Variants in GTF2E1 observed in about 807,000 individuals in gnomAD.
The protein encoded by GTF2E1 is TFIIE alpha subunit.
GTF2E1 carries 14 observed loss-of-function variants against 34.9 expected under a neutral mutation model. The ratio of observed to expected loss-of-function variants is 0.40; its 90% CI spans 0.27 to 0.63. The LOEUF is 0.63. Among genes scored for constraint, GTF2E1 ranks in the 20% least tolerant of loss-of-function variants. The pLI, the probability that GTF2E1 is intolerant of heterozygous loss-of-function variation, is 0.39. For missense variants in GTF2E1, 469 were observed against 557.7 expected (o/e 0.84, Z 1.60); for synonymous variants, 188 against 192.9 (o/e 0.97, Z 0.21).
intron 2 of GTF2E1, among the ~76,000 whole-genome samples, chr3:120,759,205 G>T (rs111579154): frequency 6.6e-6 from 1 of 152,020 alleles, no homozygotes; most frequent in Non-Finnish European, 1.5e-5. Flanking sequence ...CATCTATGCT[G>T]CATATGCATA....
Position 120,743,283 on chromosome 3 carries a change from C to G in GTF2E1, c.-31+489C>G, listed in dbSNP as rs956239607. 1.8e-4 allele frequency among the ~76,000 whole-genome samples: 27 copies of G among 152,208 alleles called. 2 individuals are homozygous for G. Among genetic ancestry groups the G allele is most frequent in the Admixed American group, 1.2e-3 (19 of 15,284 alleles). Reference sequence around the variant, plus strand: ...GCATCCACTTTTCTTGTTTTTTTCTCCACTCTGCAGTCAGTACAATCTTTT... The same window carrying G: ...GCATCCACTTTTCTTGTTTTTTTCTGCACTCTGCAGTCAGTACAATCTTTT... On this transcript the variant is annotated intron_variant, in intron 1 of 4. Transcript: ENST00000283875.
chr3:120,774,976 G>A (rs1169740279), intron 3 of GTF2E1, among the ~76,000 whole-genome samples: 1 of 152,158 alleles, frequency 6.6e-6, no homozygotes, highest in Non-Finnish European at 1.5e-5. Flanking sequence ...GATATCCAGA[G>A]GCAGGACAGG....
chr3:120,747,547 T>C (rs1007021975), intron 1 of GTF2E1, among the ~76,000 whole-genome samples: 14 of 152,316 alleles, frequency 9.2e-5, no homozygotes, highest in East Asian at 1.9e-4. Context: ...TGGTTTCCAA[T>C]TTCATCCATG....
intron 2 of GTF2E1, among the ~76,000 whole-genome samples, chr3:120,769,974 T>C (rs1213312731): frequency 3.3e-5 from 5 of 152,194 alleles, no homozygotes; most frequent in African/African-American, 9.7e-5. Context: ...TCTAGTGTTA[T>C]GTTGAAGTAG....
rs932745803 is a variant in GTF2E1, at chr3:120,750,494, G to T, written c.-30-29G>T. The T allele has an allele frequency of 3.7e-6, 5 of 1,337,136 alleles. No individual in the cohort carries two copies. In the African/African-American group the frequency reaches 7.3e-5, roughly 19 times the overall value. 82.8% of individuals were successfully genotyped at this position (1,337,136 alleles called of 1,614,324 possible). A position where few individuals can be genotyped will look rare whatever the true frequency, so the allele number is the denominator to read the frequency against. On this transcript the variant is annotated intron_variant, in intron 1 of 4. Coordinates refer to ENST00000283875, the MANE Select transcript of GTF2E1 (RefSeq NM_005513.3). ...TATGATTACCATGTTCTTATACCTG[G>T]CTAATTTTCTGTTTTTTTTTGAATT...
intron 2 of GTF2E1, among the ~76,000 whole-genome samples, chr3:120,761,125 A>C (rs1283078277): frequency 6.6e-6 from 1 of 151,974 alleles, no homozygotes; most frequent in Non-Finnish European, 1.5e-5. Flanking sequence ...CAGAGATTCA[A>C]CTTCTTCCTG....
intron 1 of GTF2E1, among the ~76,000 whole-genome samples, chr3:120,747,791 T>C (rs1709121143): frequency 6.6e-6 from 1 of 152,216 alleles, no homozygotes; most frequent in Non-Finnish European, 1.5e-5. Context: ...TCAAATGGTA[T>C]TTCTAGTTCT....
At chr3:120,762,659 T>G (rs1709274586) in intron 2 of GTF2E1, among the ~76,000 whole-genome samples, 1 of 152,228 alleles carries the variant, frequency 6.6e-6, no homozygotes, top group Non-Finnish European at 1.5e-5. Context: ...TTGGCTTTTC[T>G]TTTCAGCAGT....
intron 1 of GTF2E1, 85 bp downstream of exon 1, chr3:120,742,879 A>G: frequency 3.1e-6 from 1 of 318,624 alleles, no homozygotes. Flanking sequence ...GCTCCCTCTT[A>G]ACTATCCTCC....
At chr3:120,746,069 C>A (rs115702323) in intron 1 of GTF2E1, among the ~76,000 whole-genome samples, 1 of 151,918 alleles carries the variant, frequency 6.6e-6, no homozygotes, top group Admixed American at 6.6e-5. Flanking sequence ...ATATTTTCCC[C>A]CCAAAATATA....
intron 2 of GTF2E1, among the ~76,000 whole-genome samples, chr3:120,753,106 T>A (rs1472774236): frequency 2.0e-5 from 3 of 152,180 alleles, no homozygotes. Context: ...TTCTGATGTT[T>A]TGAGTTTTGT....
intron 4 of GTF2E1, among the ~76,000 whole-genome samples, chr3:120,778,345 T>G (rs961896575): frequency 6.6e-6 from 1 of 152,236 alleles, no homozygotes; most frequent in African/African-American, 2.4e-5. Flanking sequence ...TTGTCATGTC[T>G]GAATTTATCC....
At chr3:120,742,936 A>G (rs116068915) in intron 1 of GTF2E1, 142 bp downstream of exon 1, 3,261 of 209,438 alleles carry the variant, frequency 0.016, 108 homozygotes, top group Admixed American at 0.079. Context: ...CCTCCAAAGA[A>G]CCATTGACCC....
chr3:120,756,689 G>A (rs1198327435), intron 2 of GTF2E1, among the ~76,000 whole-genome samples: 1 of 152,038 alleles, frequency 6.6e-6, no homozygotes, highest in African/African-American at 2.4e-5. Flanking sequence ...ACCTTGAGAG[G>A]CCAAGGTGGG....
At chr3:120,754,608 TG>T (rs1411896466) in intron 2 of GTF2E1, among the ~76,000 whole-genome samples, 5 of 152,016 alleles carry the variant, frequency 3.3e-5, no homozygotes, top group African/African-American at 1.2e-4. Flanking sequence ...GTGGGAATAT[TG>T]GGCAAAAAAA....
intron 2 of GTF2E1, among the ~76,000 whole-genome samples, chr3:120,756,798 C>T (rs150757028): frequency 6.8e-4 from 103 of 151,998 alleles, no homozygotes; most frequent in Non-Finnish European, 4.9e-4. Flanking sequence ...TGGTGGAGTG[C>T]GCCTGTAATC....
intron 2 of GTF2E1, among the ~76,000 whole-genome samples, chr3:120,753,981 A>G (rs1213348394): frequency 6.6e-6 from 1 of 152,238 alleles, no homozygotes; most frequent in Admixed American, 6.5e-5. Flanking sequence ...TTATGTAATC[A>G]AAACAAAAAC....
intron 4 of GTF2E1, among the ~76,000 whole-genome samples, chr3:120,779,021 C>T (rs1709425433): frequency 6.6e-6 from 1 of 152,148 alleles, no homozygotes; most frequent in South Asian, 2.1e-4. Flanking sequence ...TCCCAGTATA[C>T]ATCTTCTTTG....
intron 2 of GTF2E1, among the ~76,000 whole-genome samples, chr3:120,764,216 T>C (rs896422849): frequency 2.0e-5 from 3 of 152,168 alleles, no homozygotes; most frequent in Admixed American, 6.5e-5. Context: ...GTAATACTTA[T>C]ATACTATGGA....
Sources: allele counts gnomAD v4.1 joint callset (sites outside exome capture counted in the v4.1 genomes callset), GRCh38; gene constraint gnomAD v4.1.1; transcripts MANE v1.5; gene names NCBI Gene and HGNC (gene_info 2026-07-23, HGNC 2026-07-21).